Variants in SYNPR observed in about 807,000 individuals in gnomAD.
SYNPR encodes synaptoporin.
SYNPR carries 23 observed loss-of-function variants against 32.9 expected under a neutral mutation model. That is an observed-to-expected ratio of 0.70 (90% CI 0.50 to 0.99). SYNPR has a LOEUF of 0.99. SYNPR is among the 50% of genes least tolerant of loss of function. The pLI, the probability that SYNPR is intolerant of heterozygous loss-of-function variation, is 0.00. For missense variants in SYNPR, 318 were observed against 349.3 expected (o/e 0.91, Z 0.71); for synonymous variants, 146 against 135.9 (o/e 1.07, Z -0.52).
intron 3 of SYNPR, among the ~76,000 whole-genome samples, chr3:63,508,290 C>T (rs1054139392): frequency 1.3e-5 from 2 of 152,250 alleles, no homozygotes; most frequent in Admixed American, 6.6e-5. Flanking sequence ...TTGCTCTATG[C>T]ACAAAACTGA....
chr3:63,258,186 T>C (rs995005141), intron 2 of SYNPR, among the ~76,000 whole-genome samples: 4 of 152,018 alleles, frequency 2.6e-5, no homozygotes, highest in African/African-American at 7.2e-5. Context: ...AACAAGGATA[T>C]CCAGGAATTG....
intron 4 of SYNPR, among the ~76,000 whole-genome samples, chr3:63,608,532 T>C (rs1025984224): frequency 6.6e-6 from 1 of 152,188 alleles, no homozygotes; most frequent in Non-Finnish European, 1.5e-5. Flanking sequence ...TAGTTCCACA[T>C]TGGTTAACAT....
chr3:63,533,214 C>A lies in SYNPR; in HGVS notation c.210-23329C>A, dbSNP rs563573869. 2.0e-5 allele frequency among the ~76,000 whole-genome samples: 3 copies of A among 152,162 alleles called. No individual in the cohort carries two copies. In the South Asian group the frequency reaches 6.2e-4, roughly 32 times the overall value. ...TCCTTAATAGACATTTATTGAAGAA[C>A]TGAAGGATGGAAATGAAAGAAGAAT... On this transcript the variant is annotated intron_variant, in intron 3 of 5. Coordinates refer to ENST00000478300, the MANE Select transcript of SYNPR (RefSeq NM_001130003.2).
chr3:63,315,391 T>G (rs2106960203), intron 2 of SYNPR, among the ~76,000 whole-genome samples: 1 of 152,264 alleles, frequency 6.6e-6, no homozygotes, highest in East Asian at 1.9e-4. Flanking sequence ...TCCATTTGTT[T>G]GTGTCATCTA....
At chr3:63,529,309 T>C (rs1484701556) in intron 3 of SYNPR, among the ~76,000 whole-genome samples, 1 of 152,262 alleles carries the variant, frequency 6.6e-6, no homozygotes, top group Non-Finnish European at 1.5e-5. Context: ...GTAAATGCTA[T>C]GTAAATAGCT....
At chr3:63,507,084 T>C (rs940417600) in intron 3 of SYNPR, among the ~76,000 whole-genome samples, 4 of 151,630 alleles carry the variant, frequency 2.6e-5, no homozygotes, top group African/African-American at 7.3e-5. Context: ...GAGGCGGAGA[T>C]TGCAGTCAGC....
intron 2 of SYNPR, among the ~76,000 whole-genome samples, chr3:63,416,743 G>A (rs929410897): frequency 1.3e-5 from 2 of 152,008 alleles, no homozygotes; most frequent in African/African-American, 4.8e-5. Context: ...ATCTTACGTG[G>A]ATGGCAGCAG....
chr3:63,370,601 C>A (rs1241159183), intron 2 of SYNPR, among the ~76,000 whole-genome samples: 2 of 152,130 alleles, frequency 1.3e-5, no homozygotes, highest in African/African-American at 4.8e-5. Context: ...TACCACATGG[C>A]CTTTTGTCTA....
intron 2 of SYNPR, among the ~76,000 whole-genome samples, chr3:63,280,451 C>A (rs1452575041): frequency 6.6e-6 from 1 of 152,074 alleles, no homozygotes; most frequent in Non-Finnish European, 1.5e-5. Context: ...TCAAAAGCCC[C>A]TTTTACCTCA....
chr3:63,546,610 C>G (rs1007944210), intron 3 of SYNPR, among the ~76,000 whole-genome samples: 1 of 151,964 alleles, frequency 6.6e-6, no homozygotes, highest in East Asian at 1.9e-4. Flanking sequence ...GTCTAGCTCA[C>G]TCCCTGTGCT....
chr3:63,316,439 G>A (rs974817350), intron 2 of SYNPR, among the ~76,000 whole-genome samples: 9 of 151,658 alleles, frequency 5.9e-5, no homozygotes, highest in African/African-American at 1.7e-4. Context: ...TCAGGATATC[G>A]AATTCTTCCT....
chr3:63,448,462 A>G (rs921907854), intron 2 of SYNPR, among the ~76,000 whole-genome samples: 1 of 152,212 alleles, frequency 6.6e-6, no homozygotes, highest in African/African-American at 2.4e-5. Context: ...AGGACTTCTT[A>G]AGTCACCATA....
intron 4 of SYNPR, among the ~76,000 whole-genome samples, chr3:63,600,091 T>A (rs1700016010): frequency 6.6e-6 from 1 of 152,210 alleles, no homozygotes; most frequent in African/African-American, 2.4e-5. Flanking sequence ...AAGCCAGCCA[T>A]CAATTATAAG....
chr3:63,452,199 A>G (rs1237050156), intron 2 of SYNPR: 1 of 632,610 alleles, frequency 1.6e-6, no homozygotes, highest in East Asian at 2.9e-5. Flanking sequence ...CTGAGCAGCC[A>G]CTGGGTGCCG....
the SYNPR span, among the ~76,000 whole-genome samples, chr3:63,208,616 G>T: frequency 6.6e-6 from 1 of 152,180 alleles, no homozygotes; most frequent in African/African-American, 2.4e-5. Flanking sequence ...ACTAGCAAGG[G>T]TTTCTCAAAT....
chr3:63,498,761 G>A (rs531446588), intron 3 of SYNPR, among the ~76,000 whole-genome samples: 3 of 151,998 alleles, frequency 2.0e-5, no homozygotes, highest in African/African-American at 7.2e-5. Context: ...ACATGGCCTC[G>A]TGGGCCCGAT....
intron 2 of SYNPR, among the ~76,000 whole-genome samples, chr3:63,428,916 A>T (rs1481098603): frequency 6.6e-6 from 1 of 152,214 alleles, no homozygotes; most frequent in African/African-American, 2.4e-5. Context: ...AAGGAGTGAG[A>T]AAATCAACTC....
At chr3:63,356,980 A>G (rs2087591804) in intron 2 of SYNPR, among the ~76,000 whole-genome samples, 1 of 152,232 alleles carries the variant, frequency 6.6e-6, no homozygotes, top group South Asian at 2.1e-4. Flanking sequence ...TGGGCGACAT[A>G]TTTAACCACT....
intron 3 of SYNPR, among the ~76,000 whole-genome samples, chr3:63,488,323 T>A (rs951533670): frequency 3.3e-5 from 5 of 152,202 alleles, no homozygotes; most frequent in African/African-American, 1.2e-4. Context: ...AACTACAGTA[T>A]CTCATTCTAA....
Sources: gnomAD v4.1 joint callset for allele counts (sites outside exome capture counted in the v4.1 genomes callset) on GRCh38, gnomAD v4.1.1 for gene constraint, MANE v1.5 for transcripts, NCBI Gene and HGNC (gene_info 2026-07-23, HGNC 2026-07-21) for gene names.